FAM222A: variants seen among roughly 807,000 people sequenced by gnomAD.
FAM222A encodes the protein family with sequence similarity 222 member A.
A neutral mutation model predicts 25.8 loss-of-function variants in FAM222A; 7 were observed. That is an observed-to-expected ratio of 0.27 (90% CI 0.15 to 0.51). The LOEUF (loss-of-function observed/expected upper bound fraction) is 0.51. Ranked by LOEUF, FAM222A falls within the 20% of genes least tolerant of loss-of-function variation. The probability of loss-of-function intolerance (pLI) is 0.97; values close to 1 mark genes in which losing one functional copy is unlikely to be tolerated. For synonymous variants in FAM222A, 294 were observed against 298.8 expected (o/e 0.98, Z 0.17); for missense variants, 573 against 640.5 (o/e 0.89, Z 1.14).
chr12:109,768,931 G>A lies in FAM222A; in HGVS notation c.1002G>A (p.Gly334=), dbSNP rs1565850542. ...ASGSPLNCGV[G]LPTSFTVGQY... The stretch of plus-strand genomic sequence containing the variant: ...GGTCACCCCTCAACTGTGGCGTGGG[G>A]CTGCCCACCAGCTTCACCGTAGGCC... Residue 334 remains glycine, a synonymous_variant, in exon 3 of 3, where the codon GGG becomes GGA. Transcript: ENST00000538780. The A allele has an allele frequency of 6.3e-7, 1 of 1,577,016 alleles. No homozygotes were observed. Among genetic ancestry groups the A allele is most frequent in the South Asian group, 1.1e-5 (1 of 87,626 alleles).
rs1889114282 is a variant in FAM222A, at chr12:109,768,170, G to A, written c.241G>A (p.Gly81Ser). ...QHKHLSRTVN[G>S]YDTSGQRYSP... ...CAAGCACCTCAGCCGCACAGTCAAT[G>A]GCTATGACACCAGTGGCCAGCGCTA... The change falls in exon 3 of 3, where the codon GGC becomes AGC. Residue 81 changes from glycine (G) to serine (S), a missense_variant. Gly to Ser is a moderately conservative substitution (Grantham distance 56, BLOSUM62 0). Coordinates refer to ENST00000538780, the MANE Select transcript of FAM222A (RefSeq NM_032829.3). 2 of 1,613,800 alleles carry A rather than the reference G, an allele frequency of 1.2e-6. No individual in the cohort carries two copies. Among genetic ancestry groups the A allele is most frequent in the Admixed American group, 3.3e-5 (2 of 60,030 alleles).
intron 1 of FAM222A, among the ~76,000 whole-genome samples, chr12:109,741,796 G>T (rs1458529179): frequency 2.6e-5 from 4 of 152,184 alleles, no homozygotes; most frequent in Non-Finnish European, 5.9e-5. Context: ...AGGCAAGGAG[G>T]TTCCAGCCTT....
chr12:109,716,329 G>A (rs533228699), intron 1 of FAM222A, among the ~76,000 whole-genome samples: 6 of 152,160 alleles, frequency 3.9e-5, no homozygotes. Flanking sequence ...GAAAAGGTTC[G>A]AAAACTGTCA....
At chr12:109,720,330 G>A (rs1887724759) in intron 1 of FAM222A, among the ~76,000 whole-genome samples, 1 of 152,230 alleles carries the variant, frequency 6.6e-6, no homozygotes, top group Non-Finnish European at 1.5e-5. Flanking sequence ...AGAGTCTGTG[G>A]GGAGGGGGGC....
At chr12:109,745,538 G>T (rs1888375563) in intron 2 of FAM222A, among the ~76,000 whole-genome samples, 1 of 152,202 alleles carries the variant, frequency 6.6e-6, no homozygotes, top group Admixed American at 6.5e-5. Context: ...TCTTTAGATG[G>T]TGTATCTGTG....
At position 109,769,238 on chromosome 12, in the gene FAM222A, C is replaced by T. The variant is rs780361445; in HGVS notation, c.1309C>T (p.Arg437Trp). The T allele has an allele frequency of 1.7e-5, 28 of 1,611,470 alleles. No homozygotes were observed. The highest frequency in any genetic ancestry group is 2.1e-5 in the Non-Finnish European group (25 of 1,179,552). Residue 437 changes from arginine (R) to tryptophan (W), a missense_variant, in exon 3 of 3, where the codon CGG becomes TGG. This residue lies in a region of FAM222A where 49 missense variants were observed against 78.9 expected (regional missense o/e 0.62). Coordinates refer to ENST00000538780, the MANE Select transcript of FAM222A (RefSeq NM_032829.3). ...GKGYETVAVP[R>W]LLDHQHAHIR... Reference sequence around the variant, plus strand: ...GGGCTATGAGACGGTGGCCGTGCCCCGGCTACTCGACCACCAGCATGCCCA... The same window carrying T: ...GGGCTATGAGACGGTGGCCGTGCCCTGGCTACTCGACCACCAGCATGCCCA...
Position 109,768,409 on chromosome 12 carries a change from C to A in FAM222A, c.480C>A (p.Pro160=). The A allele has an allele frequency of 6.3e-7, 1 of 1,598,714 alleles. No homozygotes were observed. Among genetic ancestry groups the A allele is most frequent in the Admixed American group, 1.7e-5 (1 of 59,782 alleles). ...GCACTCTGGGTCCCTTGGCCTACCC[C>A]AAGCCACCTGAGGCGCCTGCTCCAC... ...VPSTLGPLAY[P]KPPEAPAPPP... is the part of the protein sequence containing the mutation. Residue 160 remains proline (P), a synonymous_variant, in exon 3 of 3, where the codon CCC becomes CCA. Coordinates refer to ENST00000538780, the MANE Select transcript of FAM222A (RefSeq NM_032829.3).
chr12:109,729,513 C>T (rs1032922190), intron 1 of FAM222A, among the ~76,000 whole-genome samples: 2 of 152,224 alleles, frequency 1.3e-5, no homozygotes, highest in Non-Finnish European at 2.9e-5. Context: ...GGGCACCACC[C>T]AAATAGCTAT....
Position 109,751,184 on chromosome 12 carries a change from C to A in FAM222A, c.82+6956C>A, listed in dbSNP as rs1888549770. On this transcript the variant is annotated intron_variant, in intron 2 of 2. Coordinates refer to ENST00000538780, the MANE Select transcript of FAM222A (RefSeq NM_032829.3). ...ATGTTTTCTGCACCTCTTTTTTTTT[C>A]TCCTGTGCTCATTCTATACTTGGAC... 2.0e-5 allele frequency among the ~76,000 whole-genome samples: 3 copies of A among 150,392 alleles called. No individual in the cohort carries two copies. The South Asian group carries it at 6.3e-4, about 31-fold the overall frequency.
At chr12:109,728,933 T>TC (rs1403398042) in intron 1 of FAM222A, among the ~76,000 whole-genome samples, 1 of 151,102 alleles carries the variant, frequency 6.6e-6, no homozygotes, top group Non-Finnish European at 1.5e-5. Context: ...CTCTGCCATC[T>TC]CCTTTCAGTC....
At chr12:109,729,939 G>C (rs116066196) in intron 1 of FAM222A, among the ~76,000 whole-genome samples, 2 of 152,246 alleles carry the variant, frequency 1.3e-5, no homozygotes, top group African/African-American at 4.8e-5. Flanking sequence ...ACCTGCCTGA[G>C]GCTGCACAGC....
chr12:109,762,202 G>A (rs1888918583), intron 2 of FAM222A, among the ~76,000 whole-genome samples: 1 of 152,196 alleles, frequency 6.6e-6, no homozygotes, highest in African/African-American at 2.4e-5. Flanking sequence ...CCCAAAACCA[G>A]CAGTGCCAAA....
intron 1 of FAM222A, among the ~76,000 whole-genome samples, chr12:109,716,239 C>A (rs1887642750): frequency 6.6e-6 from 1 of 152,198 alleles, no homozygotes; most frequent in Non-Finnish European, 1.5e-5. Flanking sequence ...CTGCTGCTGG[C>A]TCTGGGATTC....
At chr12:109,748,983 CT>C (rs1888484590) in intron 2 of FAM222A, among the ~76,000 whole-genome samples, 1 of 152,048 alleles carries the variant, frequency 6.6e-6, no homozygotes, top group South Asian at 2.1e-4. Context: ...TCTCTGAGCA[CT>C]TCCGAGCTAT....
chr12:109,761,377 C>T (rs1043561427), intron 2 of FAM222A, among the ~76,000 whole-genome samples: 2 of 152,186 alleles, frequency 1.3e-5, no homozygotes, highest in African/African-American at 2.4e-5. Flanking sequence ...AGGCAGGACC[C>T]GAGGAGGACA....
chr12:109,736,974 G>A (rs1888103482), intron 1 of FAM222A, among the ~76,000 whole-genome samples: 1 of 152,124 alleles, frequency 6.6e-6, no homozygotes, highest in Non-Finnish European at 1.5e-5. Flanking sequence ...TTTCCTGAGG[G>A]CCCTGTGCTC....
intron 1 of FAM222A, among the ~76,000 whole-genome samples, chr12:109,721,744 C>T (rs755896934): frequency 4.6e-5 from 7 of 152,138 alleles, no homozygotes; most frequent in African/African-American, 7.2e-5. Context: ...CTTCTAACTC[C>T]CACTTGTGTT....
chr12:109,728,785 T>G (rs1887887277), intron 1 of FAM222A, among the ~76,000 whole-genome samples: 1 of 152,204 alleles, frequency 6.6e-6, no homozygotes, highest in Non-Finnish European at 1.5e-5. Context: ...GGTTCCCACC[T>G]AGCAGGAGAG....
At chr12:109,724,645 G>T (rs1325068545) in intron 1 of FAM222A, among the ~76,000 whole-genome samples, 6 of 152,184 alleles carry the variant, frequency 3.9e-5, no homozygotes, top group Non-Finnish European at 4.4e-5. Context: ...CCCCATCCTA[G>T]CTGGGTCACT....
Sources: allele counts gnomAD v4.1 joint callset (sites outside exome capture counted in the v4.1 genomes callset), GRCh38; gene constraint gnomAD v4.1.1; regional missense constraint gnomAD v4.1.1; transcripts MANE v1.5; gene names NCBI Gene and HGNC (gene_info 2026-07-23, HGNC 2026-07-21).